Variants in RHD observed in about 807,000 individuals in gnomAD.
The protein encoded by RHD is Rh blood group D antigen.
In RHD, 16 loss-of-function variants were observed where a neutral mutation model predicts 45.5. That is an observed-to-expected ratio of 0.35 (90% CI 0.24 to 0.53). RHD has a LOEUF of 0.53. Ranked by LOEUF, RHD falls within the 20% of genes least tolerant of loss-of-function variation. The probability of loss-of-function intolerance (pLI) is 0.92; values close to 1 mark genes in which losing one functional copy is unlikely to be tolerated. For synonymous variants in RHD, 131 were observed against 217.5 expected (o/e 0.60, Z 3.50); for missense variants, 306 against 532.0 (o/e 0.58, Z 4.18).
Position 25,302,508 on chromosome 1 carries a change from C to T in RHD, c.802-814C>T, listed in dbSNP as rs397843508. On this transcript the variant is annotated intron_variant, in intron 5 of 9. Coordinates refer to ENST00000328664, the MANE Select transcript of RHD (RefSeq NM_016124.6). ...ATGGTGACAGAAAGTCTAAGACACC[C>T]AGCAAGGCAGGAGTGGGTGTCAACT... 1.5e-4 allele frequency among the ~76,000 whole-genome samples: 19 copies of T among 129,662 alleles called. 4 individuals are homozygous for T. Among genetic ancestry groups the T allele is most frequent in the Middle Eastern group, 4.2e-3 (1 of 240 alleles). The allele number at this position is 129,662 out of a possible 152,430, so 85.1% of individuals were successfully genotyped here.
At chr1:25,281,552 C>T (rs114285997) in intron 1 of RHD, among the ~76,000 whole-genome samples, 1,322 of 131,964 alleles carry the variant, frequency 0.01, 185 homozygotes, top group African/African-American at 0.033. Context: ...TCACTGCTCC[C>T]GCATGTGCAC....
At chr1:25,303,109 T>A (rs1158356366) in intron 5 of RHD, among the ~76,000 whole-genome samples, 4 of 132,006 alleles carry the variant, frequency 3.0e-5, no homozygotes, top group Non-Finnish European at 7.2e-5. Flanking sequence ...TCAGGGTAAC[T>A]GTGCCCTGAG....
chr1:25,321,826 T>G, intron 8 of RHD, 63 bp from the exon 9 acceptor site: 1 of 866,020 alleles, frequency 1.2e-6, no homozygotes, highest in Non-Finnish European at 1.9e-6. Flanking sequence ...ATATTTCGAT[T>G]AATCTTGAGA....
chr1:25,306,136 C>T lies in RHD; in HGVS notation c.940-460C>T, dbSNP rs1194452000. Among the ~76,000 whole-genome samples, 2 of 131,468 alleles carry T rather than the reference C, an allele frequency of 1.5e-5. 1 individual carries two copies. Among genetic ancestry groups the T allele is most frequent in the Non-Finnish European group, 3.6e-5 (2 of 55,760 alleles). The allele number at this position is 131,468 out of a possible 152,430, so 86.2% of individuals were successfully genotyped here. On this transcript the variant is annotated intron_variant, in intron 6 of 9. Transcript: ENST00000328664. ...AGACCAGTGGGTCTTGGTCACCCCC[C>T]AGGGGACATCTTACAATGTCTGGAG... is the stretch of plus-strand genomic sequence containing the variant.
intron 6 of RHD, among the ~76,000 whole-genome samples, chr1:25,305,848 C>A (rs1264573696): frequency 7.6e-6 from 1 of 131,050 alleles, no homozygotes; most frequent in Admixed American, 7.4e-5. Flanking sequence ...GTGATCCACC[C>A]ATGTCGGCCT....
intron 1 of RHD, among the ~76,000 whole-genome samples, chr1:25,275,953 C>T (rs1301037809): frequency 2.3e-5 from 3 of 132,152 alleles, no homozygotes. Flanking sequence ...TTTTTCTGCA[C>T]GAGTTGGTTA....
rs528447114 is a variant in RHD at position 25,323,495 on chromosome 1, G to A, written c.1227+1533G>A. On this transcript the variant is annotated intron_variant, in intron 9 of 9. Coordinates refer to ENST00000328664, the MANE Select transcript of RHD (RefSeq NM_016124.6). Reference sequence around the variant, plus strand: ...TTTGTTTGAGACAGGGTCTCACTCCGCCACCCACACCGTAATGCAGTGGCA... The same window carrying A: ...TTTGTTTGAGACAGGGTCTCACTCCACCACCCACACCGTAATGCAGTGGCA... Among the ~76,000 whole-genome samples the A allele has an allele frequency of 5.6e-5, 7 of 125,082 alleles. 1 individual carries two copies. Among genetic ancestry groups the A allele is most frequent in the East Asian group, 2.0e-4 (1 of 4,956 alleles). 82.1% of individuals were successfully genotyped at this position (125,082 alleles called of 152,430 possible). A position where few individuals can be genotyped will look rare whatever the true frequency, so the allele number is the denominator to read the frequency against.
rs1168130084 is a variant in RHD at position 25,288,898 on chromosome 1, G to A, written c.336-1743G>A. On this transcript the variant is annotated intron_variant, in intron 2 of 9. Coordinates refer to ENST00000328664, the MANE Select transcript of RHD (RefSeq NM_016124.6). ...ACCTGTCCAGGCACGATGGAACATTGAGTAACCCCTTATTCTAAATTCCTG... is the reference window on the plus strand; with the variant it reads ...ACCTGTCCAGGCACGATGGAACATTAAGTAACCCCTTATTCTAAATTCCTG... 1.8e-4 allele frequency among the ~76,000 whole-genome samples: 24 copies of A among 131,666 alleles called. 2 individuals are homozygous for A. The highest frequency in any genetic ancestry group is 6.0e-4 in the African/African-American group (23 of 38,200). 86.4% of individuals were successfully genotyped at this position (131,666 alleles called of 152,430 possible). A position where few individuals can be genotyped will look rare whatever the true frequency, so the allele number is the denominator to read the frequency against.
rs1384647989 is a variant in RHD at position 25,291,752 on chromosome 1, G to A, written c.486+961G>A. Among the ~76,000 whole-genome samples the A allele has an allele frequency of 1.5e-5, 2 of 132,524 alleles. 1 individual carries two copies. The highest frequency in any genetic ancestry group is 3.6e-5 in the Non-Finnish European group (2 of 55,920). The allele number at this position is 132,524 out of a possible 152,430, so 86.9% of individuals were successfully genotyped here. A position where few individuals can be genotyped will look rare whatever the true frequency, so the allele number is the denominator to read the frequency against. On this transcript the variant is annotated intron_variant, in intron 3 of 9. Coordinates refer to ENST00000328664, the MANE Select transcript of RHD (RefSeq NM_016124.6). ...GTAACTGCATATGTCCTCTCATTGG[G>A]AGAGCCTGTCGAAAGTCTAAATTTG...
rs1182530139 is a variant in RHD, at chr1:25,299,315, G to A, written c.487-1631G>A. On this transcript the variant is annotated intron_variant, in intron 3 of 9. Transcript: ENST00000328664. Reference sequence around the variant, plus strand: ...GAGAATCGCTTGAACCCAACGGGTGGAGGTTGCAGTGAGCCAAGATGGCAC... The same window carrying A: ...GAGAATCGCTTGAACCCAACGGGTGAAGGTTGCAGTGAGCCAAGATGGCAC... Among the ~76,000 whole-genome samples the A allele has an allele frequency of 9.9e-5, 13 of 130,872 alleles. 2 individuals carry two copies. Among genetic ancestry groups the A allele is most frequent in the South Asian group, 2.3e-4 (1 of 4,324 alleles). The allele number at this position is 130,872 out of a possible 152,430, so 85.9% of individuals were successfully genotyped here. A position where few individuals can be genotyped will look rare whatever the true frequency, so the allele number is the denominator to read the frequency against.
At chr1:25,296,634 G>A (rs368246876) in intron 3 of RHD, among the ~76,000 whole-genome samples, 6 of 131,598 alleles carry the variant, frequency 4.6e-5, no homozygotes, top group African/African-American at 1.3e-4. Context: ...GCATGACCTC[G>A]TGGGAGGTGA....
rs377217376 is a variant in RHD, at chr1:25,290,746, G to A, written c.441G>A (p.Val147=). The change falls in exon 3 of 10, where the codon GTG becomes GTA. Residue 147 remains valine (V), a synonymous_variant. Transcript: ENST00000328664. ...TGGTGGTGATGGTGCTGGTGGAGGT[G>A]ACAGCTTTAGGCAACCTGAGGATGG... ...AQLVVMVLVE[V]TALGNLRMVI... 8 of 1,377,758 alleles carry A rather than the reference G, an allele frequency of 5.8e-6. 1 individual carries two copies. The highest frequency in any genetic ancestry group is 7.2e-6 in the Non-Finnish European group (7 of 978,362). 85.3% of individuals were successfully genotyped at this position (1,377,758 alleles called of 1,614,324 possible).
intron 8 of RHD, among the ~76,000 whole-genome samples, chr1:25,321,607 C>G (rs1644708538): frequency 8.0e-6 from 1 of 125,510 alleles, no homozygotes; most frequent in East Asian, 2.0e-4. Context: ...GAGGCAGAGG[C>G]TGCAGTGAGC....
chr1:25,318,695 G>A (rs1644542107), intron 8 of RHD, among the ~76,000 whole-genome samples: 1 of 132,974 alleles, frequency 7.5e-6, no homozygotes, highest in Non-Finnish European at 1.8e-5. Context: ...TAAGCAGGAG[G>A]TGAATGCCAA....
rs667141 is a variant in RHD, at chr1:25,330,148, C to T, written c.*1224C>T. The T allele has an allele frequency of 1.1e-4, 15 of 132,592 alleles. 3 individuals are homozygous for T. Among genetic ancestry groups the T allele is most frequent in the Middle Eastern group, 4.1e-3 (1 of 246 alleles). 8.2% of individuals were successfully genotyped at this position (132,592 alleles called of 1,614,324 possible). On this transcript the variant is annotated 3_prime_UTR_variant, in exon 10 of 10. Coordinates refer to ENST00000328664, the MANE Select transcript of RHD (RefSeq NM_016124.6). The stretch of plus-strand genomic sequence containing the variant: ...ACGACAGCTCTCTGTGCACTGATTG[C>T]ATATGCATCCCAAGATTATATTATT...
intron 8 of RHD, among the ~76,000 whole-genome samples, chr1:25,320,269 C>A (rs1644629684): frequency 7.6e-6 from 1 of 131,924 alleles, no homozygotes; most frequent in African/African-American, 2.6e-5. Flanking sequence ...AACAACCCTC[C>A]ACAGCTACAC....
intron 6 of RHD, 77 bp from the exon 7 acceptor site, chr1:25,306,519 C>A: frequency 1.6e-6 from 2 of 1,289,546 alleles, no homozygotes; most frequent in South Asian, 1.2e-5. Flanking sequence ...GCCCCGGATA[C>A]CAAGGGTGTG....
rs571487243 is a variant in RHD at position 25,273,435 on chromosome 1, T to C, written c.148+740T>C. 7.9e-4 allele frequency among the ~76,000 whole-genome samples: 79 copies of C among 100,092 alleles called. 8 individuals carry two copies. The South Asian group carries it at 0.024, about 30-fold the overall frequency. The allele number at this position is 100,092 out of a possible 152,430, so 65.7% of individuals were successfully genotyped here. ...CTGGAATTACAGGCGTGAAGCACTGTGCCCAGCTCTCTTGCTCATATCTAT... is the reference window on the plus strand; with the variant it reads ...CTGGAATTACAGGCGTGAAGCACTGCGCCCAGCTCTCTTGCTCATATCTAT... On this transcript the variant is annotated intron_variant, in intron 1 of 9. Coordinates refer to ENST00000328664, the MANE Select transcript of RHD (RefSeq NM_016124.6).
In RHD at chr1:25,281,392, T is replaced by A. The variant is rs1259179425; in HGVS notation, c.149-3181T>A. ...GTAAAATGAGAGGAAAATGGAAGAATTGCTCTACTCATGGAATCTTCAATA... is the reference window on the plus strand; with the variant it reads ...GTAAAATGAGAGGAAAATGGAAGAAATGCTCTACTCATGGAATCTTCAATA... On this transcript the variant is annotated intron_variant, in intron 1 of 9. Transcript: ENST00000328664. Among the ~76,000 whole-genome samples the A allele has an allele frequency of 1.5e-5, 2 of 131,736 alleles. 1 individual carries two copies. The highest frequency in any genetic ancestry group is 3.6e-5 in the Non-Finnish European group (2 of 55,930). The allele number at this position is 131,736 out of a possible 152,430, so 86.4% of individuals were successfully genotyped here. A position where few individuals can be genotyped will look rare whatever the true frequency, so the allele number is the denominator to read the frequency against.
Sources: gnomAD v4.1 joint callset for allele counts (sites outside exome capture counted in the v4.1 genomes callset) on GRCh38, gnomAD v4.1.1 for gene constraint, MANE v1.5 for transcripts, NCBI Gene and HGNC (gene_info 2026-07-23, HGNC 2026-07-21) for gene names.